The following RAB27A variants were observed in gnomAD, a reference collection of about 807,000 sequenced individuals.
RAB27A encodes ras-related protein Rab-27A.
In RAB27A, 17 loss-of-function variants were observed where a neutral mutation model predicts 20.8. The ratio of observed to expected loss-of-function variants is 0.82; its 90% CI spans 0.56 to 1.23. The LOEUF (loss-of-function observed/expected upper bound fraction) is 1.23. RAB27A is among the 50% of genes most tolerant of loss of function. The probability of loss-of-function intolerance (pLI) is 0.00; values close to 1 mark genes in which losing one functional copy is unlikely to be tolerated. For synonymous variants in RAB27A, 85 were observed against 92.8 expected (o/e 0.92, Z 0.48); for missense variants, 277 against 266.7 (o/e 1.04, Z -0.27).
chr15:55,209,923 C>CACATATGTGTGTATCCGTATATAT (rs1566896478), intron 6 of RAB27A, among the ~76,000 whole-genome samples: 1 of 82,542 alleles, frequency 1.2e-5, no homozygotes, highest in African/African-American at 8.5e-5. Flanking sequence ...TGTATATACA[C>CACATATGTGTGTATCCGTATATAT]ACATATATGT....
intron 2 of RAB27A, among the ~76,000 whole-genome samples, chr15:55,311,510 T>A (rs1158349011): frequency 6.6e-6 from 1 of 152,028 alleles, no homozygotes; most frequent in African/African-American, 2.4e-5. Context: ...GAGGGGACGC[T>A]GGGGTAGGGA....
intron 2 of RAB27A, among the ~76,000 whole-genome samples, chr15:55,256,316 A>G (rs866881667): frequency 6.6e-6 from 1 of 152,154 alleles, no homozygotes; most frequent in Non-Finnish European, 1.5e-5. Flanking sequence ...CAGAAGGCTG[A>G]GGTGGGAGGA....
intron 2 of RAB27A, among the ~76,000 whole-genome samples, chr15:55,242,862 T>C (rs1274385796): frequency 3.9e-5 from 6 of 152,204 alleles, no homozygotes; most frequent in Admixed American, 3.9e-4. Context: ...AACCAGCTAG[T>C]TAGACATGGG....
At chr15:55,210,147 G>A (rs778950781) in intron 6 of RAB27A, among the ~76,000 whole-genome samples, 113 of 81,932 alleles carry the variant, frequency 1.4e-3, no homozygotes, top group African/African-American at 0.011. Flanking sequence ...ATATGTATGT[G>A]TATGTATACA....
At chr15:55,286,064 T>C (rs1898144108) in intron 1 of RAB27A, among the ~76,000 whole-genome samples, 2 of 152,078 alleles carry the variant, frequency 1.3e-5, no homozygotes, top group South Asian at 2.1e-4. Flanking sequence ...TTGCTTCTCT[T>C]AGAAAAAAAT....
intron 1 of RAB27A, among the ~76,000 whole-genome samples, chr15:55,271,784 C>G (rs1289023697): frequency 1.3e-5 from 2 of 151,760 alleles, no homozygotes; most frequent in African/African-American, 4.8e-5. Context: ...CTAGGAGAAG[C>G]TACGCTTTCA....
intron 6 of RAB27A, chr15:55,206,339 T>C (rs1182309274): frequency 2.6e-6 from 2 of 769,236 alleles, no homozygotes; most frequent in Non-Finnish European, 3.2e-6. Flanking sequence ...TTAAATCTTT[T>C]TTCGTTTAAG....
At chr15:55,215,998 T>C (rs1403376574) in intron 6 of RAB27A, among the ~76,000 whole-genome samples, 2 of 149,838 alleles carry the variant, frequency 1.3e-5, no homozygotes, top group Admixed American at 1.3e-4. Flanking sequence ...TCATGCTGCC[T>C]GGCTTCAAAT....
chr15:55,209,845 C>T lies in RAB27A; in HGVS notation c.468-4140G>A, dbSNP rs1381211381. On this transcript the variant is annotated intron_variant, in intron 6 of 6. Coordinates refer to ENST00000336787, the MANE Select transcript of RAB27A (RefSeq NM_183235.3). The stretch of plus-strand genomic sequence containing the variant: ...GTATATATACATATATGTGTGTACA[C>T]ATATATGTGTGTATATACATATATA... Among the ~76,000 whole-genome samples the T allele has an allele frequency of 3.6e-3, 381 of 104,752 alleles. 92 individuals are homozygous for T. Among genetic ancestry groups the T allele is most frequent in the African/African-American group, 0.016 (355 of 21,620 alleles). The allele number at this position is 104,752 out of a possible 152,430, so 68.7% of individuals were successfully genotyped here. A position where few individuals can be genotyped will look rare whatever the true frequency, so the allele number is the denominator to read the frequency against.
chr15:55,285,903 G>A (rs1167104586), intron 1 of RAB27A, among the ~76,000 whole-genome samples: 2 of 152,228 alleles, frequency 1.3e-5, no homozygotes, highest in Non-Finnish European at 2.9e-5. Flanking sequence ...GATATAGACA[G>A]AGGGCTCCGG....
At chr15:55,232,543 T>C (rs1896074429) in intron 3 of RAB27A, among the ~76,000 whole-genome samples, 2 of 152,124 alleles carry the variant, frequency 1.3e-5, no homozygotes, top group Admixed American at 1.3e-4. Flanking sequence ...AGACTTTACA[T>C]CAGGAATTAT....
At chr15:55,228,494 G>C in intron 5 of RAB27A, 115 bp downstream of exon 5, 1 of 820,506 alleles carries the variant, frequency 1.2e-6, no homozygotes, top group Non-Finnish European at 2.1e-6. Context: ...CCTTAAAATA[G>C]TATTTGCACT....
chr15:55,299,841 G>A (rs1386335851), intron 2 of RAB27A, among the ~76,000 whole-genome samples: 1 of 143,120 alleles, frequency 7.0e-6, no homozygotes, highest in East Asian at 2.0e-4. Flanking sequence ...TTTTTTTTGA[G>A]ATGGAGTCTC....
At chr15:55,224,142 C>G in intron 5 of RAB27A, 130 bp from the exon 6 acceptor site, 1 of 701,300 alleles carries the variant, frequency 1.4e-6, no homozygotes, top group Non-Finnish European at 2.4e-6. Flanking sequence ...ATAATGCTTT[C>G]AAAGCATCAG....
intron 6 of RAB27A, among the ~76,000 whole-genome samples, chr15:55,216,006 A>C (rs909314050): frequency 5.9e-5 from 9 of 151,602 alleles, no homozygotes; most frequent in African/African-American, 2.2e-4. Context: ...CCTGGCTTCA[A>C]ATCCTAGTAG....
At chr15:55,251,265 G>C (rs1896878697) in intron 2 of RAB27A, among the ~76,000 whole-genome samples, 1 of 152,144 alleles carries the variant, frequency 6.6e-6, no homozygotes, top group Admixed American at 6.5e-5. Flanking sequence ...AACTGCAAGA[G>C]GAGCTATTTA....
rs60106785 is a variant in RAB27A at position 55,275,918 on chromosome 15, TA to T, written c.-142-5635del. Among the ~76,000 whole-genome samples the T allele has an allele frequency of 2.3e-3, 237 of 104,126 alleles. 2 individuals are homozygous for T. Among genetic ancestry groups the T allele is most frequent in the African/African-American group, 8.1e-3 (216 of 26,646 alleles). 68.3% of individuals were successfully genotyped at this position (104,126 alleles called of 152,430 possible). A position where few individuals can be genotyped will look rare whatever the true frequency, so the allele number is the denominator to read the frequency against. On this transcript the variant is annotated intron_variant, in intron 1 of 6. Transcript: ENST00000336787. ...CCTCACATCTGCTAGGATGGCTAAT[TA>T]AAAAAAAAAAAAAAAAAAAAACAAG...
In RAB27A at chr15:55,303,725, C is replaced by T. The variant is rs2054985142; in HGVS notation, c.-112+10314G>A. Among the ~76,000 whole-genome samples the T allele has an allele frequency of 4.4e-5, 6 of 136,396 alleles. No homozygotes were observed. The South Asian group carries it at 1.5e-3, about 34-fold the overall frequency. 89.5% of individuals were successfully genotyped at this position (136,396 alleles called of 152,430 possible). The stretch of plus-strand genomic sequence containing the variant: ...GGAGGTGAGGGGCACCTCTGCCCGG[C>T]CACCCCTACTGGGAAGTGAGGAGCC... On this transcript the variant is annotated intron_variant, in intron 2 of 5. Coordinates refer to the RAB27A transcript ENST00000563262.
intron 5 of RAB27A, among the ~76,000 whole-genome samples, chr15:55,226,345 A>G (rs957501513): frequency 2.0e-5 from 3 of 152,098 alleles, no homozygotes; most frequent in African/African-American, 7.2e-5. Context: ...CCTTCTCAAG[A>G]GGGCATGGAG....
Sources: allele counts gnomAD v4.1 joint callset (sites outside exome capture counted in the v4.1 genomes callset), GRCh38; gene constraint gnomAD v4.1.1; transcripts MANE v1.5; gene names NCBI Gene and HGNC (gene_info 2026-07-23, HGNC 2026-07-21).